PTPRJ: variants seen among roughly 807,000 people sequenced by gnomAD.
PTPRJ encodes the protein protein tyrosine phosphatase receptor type J.
In PTPRJ, 129 loss-of-function variants were observed where a neutral mutation model predicts 141.3. The observed-to-expected ratio is 0.91, with a 90% CI of 0.79 to 1.06. The LOEUF is 1.06. PTPRJ is among the 50% of genes least tolerant of loss of function. The pLI, the probability that PTPRJ is intolerant of heterozygous loss-of-function variation, is 0.00. For missense variants in PTPRJ, 1,601 were observed against 1,679.7 expected (o/e 0.95, Z 0.82); for synonymous variants, 610 against 640.5 (o/e 0.95, Z 0.72).
chr11:48,038,375 T>G (rs1361883712), intron 1 of PTPRJ, among the ~76,000 whole-genome samples: 1 of 152,176 alleles, frequency 6.6e-6, no homozygotes, highest in Non-Finnish European at 1.5e-5. Flanking sequence ...AATCTGCGTT[T>G]CCCTCCCTTC....
chr11:48,071,953 TG>T (rs1855270472), intron 1 of PTPRJ, among the ~76,000 whole-genome samples: 1 of 139,210 alleles, frequency 7.2e-6, no homozygotes, highest in African/African-American at 2.7e-5. Context: ...TCACCCAGGC[TG>T]GAGTGCAGTG....
At chr11:48,061,886 G>A (rs1313269337) in intron 1 of PTPRJ, among the ~76,000 whole-genome samples, 5 of 150,462 alleles carry the variant, frequency 3.3e-5, no homozygotes, top group Non-Finnish European at 7.4e-5. Flanking sequence ...GTAAAATTGG[G>A]ATCATAATGG....
chr11:48,008,291 C>T (rs1402672070), intron 1 of PTPRJ, among the ~76,000 whole-genome samples: 3 of 152,180 alleles, frequency 2.0e-5, no homozygotes, highest in South Asian at 2.1e-4. Context: ...GACGGAGTCT[C>T]GCTCTGTGGC....
intron 1 of PTPRJ, among the ~76,000 whole-genome samples, chr11:48,086,160 A>G (rs1855701725): frequency 6.6e-6 from 1 of 152,318 alleles, no homozygotes; most frequent in South Asian, 2.1e-4. Flanking sequence ...GCAGGCAAAA[A>G]GGACATTTAT....
chr11:48,119,954 G>A (rs1422295748), intron 3 of PTPRJ, among the ~76,000 whole-genome samples: 1 of 152,134 alleles, frequency 6.6e-6, no homozygotes, highest in Non-Finnish European at 1.5e-5. Flanking sequence ...AACCCTGATG[G>A]CTTCCACTGG....
At chr11:48,065,399 A>T (rs528849872) in intron 1 of PTPRJ, among the ~76,000 whole-genome samples, 1 of 152,090 alleles carries the variant, frequency 6.6e-6, no homozygotes, top group Admixed American at 6.5e-5. Flanking sequence ...CCAGGACCCC[A>T]TGCCGAAATC....
At chr11:47,996,402 G>A (rs1854338667) in intron 1 of PTPRJ, among the ~76,000 whole-genome samples, 1 of 151,198 alleles carries the variant, frequency 6.6e-6, no homozygotes, top group Non-Finnish European at 1.5e-5. Flanking sequence ...GCAGAAGCAT[G>A]TGTCCAGTTC....
intron 22 of PTPRJ, among the ~76,000 whole-genome samples, chr11:48,163,138 G>C (rs146676394): frequency 1.5e-4 from 23 of 152,246 alleles, no homozygotes; most frequent in Admixed American, 1.5e-3. Flanking sequence ...AGGCAGCTGT[G>C]GCAGGAAGGG....
intron 1 of PTPRJ, among the ~76,000 whole-genome samples, chr11:48,098,129 T>A (rs943482051): frequency 3.3e-5 from 5 of 152,180 alleles, no homozygotes; most frequent in Non-Finnish European, 5.9e-5. Flanking sequence ...CCCTTGAGGC[T>A]TTGGTGTCCG....
At chr11:48,146,752 T>C in intron 14 of PTPRJ, 124 bp from the exon 15 acceptor site, 1 of 739,422 alleles carries the variant, frequency 1.4e-6, no homozygotes, top group Non-Finnish European at 2.5e-6. Flanking sequence ...TGTGTGTGCA[T>C]GCATGTGTGT....
chr11:48,136,159 A>G lies in PTPRJ; in HGVS notation c.1736A>G (p.His579Arg), dbSNP rs1394213464. The change falls in exon 9 of 25, where the codon CAT (histidine) becomes CGT (arginine). Residue 579 changes from histidine (H) to arginine (R), a missense_variant. Physicochemically the swap from His to Arg is conservative, Grantham distance 29 (BLOSUM62 0). Coordinates refer to ENST00000418331, the MANE Select transcript of PTPRJ (RefSeq NM_002843.4). ...TACCATTTAGTCATAGAGTCCAAGC[A>G]TGGCTCTAACCACACAAGCACGTAT... Reference protein sequence around the residue: ...YVYHLVIESKHGSNHTSTYDK... With the variant: ...YVYHLVIESKRGSNHTSTYDK... 3.7e-6 allele frequency: 6 copies of G among 1,614,082 alleles called. No homozygotes were observed. The highest frequency in any genetic ancestry group is 1.7e-5 in the Admixed American group (1 of 60,008).
chr11:48,002,263 G>A (rs932414490), intron 1 of PTPRJ, among the ~76,000 whole-genome samples: 1 of 151,038 alleles, frequency 6.6e-6, no homozygotes, highest in Admixed American at 6.6e-5. Flanking sequence ...TCAGCCTCCC[G>A]AGTAGCTGGG....
intron 1 of PTPRJ, among the ~76,000 whole-genome samples, chr11:48,000,699 A>G (rs1854473445): frequency 6.6e-6 from 1 of 151,852 alleles, no homozygotes; most frequent in Non-Finnish European, 1.5e-5. Flanking sequence ...AGGGCCTGGT[A>G]CTATCCTCCT....
chr11:48,094,752 G>A (rs1002652820), intron 1 of PTPRJ, among the ~76,000 whole-genome samples: 1 of 152,198 alleles, frequency 6.6e-6, no homozygotes, highest in Non-Finnish European at 1.5e-5. Context: ...GGGCGCAGAA[G>A]TTCTGGGTAA....
intron 1 of PTPRJ, among the ~76,000 whole-genome samples, chr11:48,027,869 G>A (rs576693678): frequency 6.9e-6 from 1 of 145,812 alleles, no homozygotes; most frequent in South Asian, 2.2e-4. Context: ...CTGCAGTATT[G>A]TCAGGTTTGT....
intron 18 of PTPRJ, among the ~76,000 whole-genome samples, chr11:48,153,330 C>T (rs567960258): frequency 3.3e-5 from 5 of 151,824 alleles, no homozygotes; most frequent in East Asian, 1.9e-4. Flanking sequence ...GTCAGGAGAT[C>T]GAGACCATCC....
At position 48,144,715 on chromosome 11, in the gene PTPRJ, G is replaced by C. The variant is rs4752904; in HGVS notation, c.2616G>C (p.Glu872Asp). 0.54 allele frequency: 869,637 copies of C among 1,613,142 alleles called. 244,274 individuals are homozygous for C. Among genetic ancestry groups the C allele is most frequent in the Admixed American group, 0.62 (37,150 of 60,004 alleles). ...PSADVLKYTY[E>D]DFKKGASDTY... Reference sequence around the variant, plus strand: ...CAGATGTCCTGAAATACACGTATGAGGATTTCAAAAAGGGAGCCTCAGATA... The same window carrying C: ...CAGATGTCCTGAAATACACGTATGACGATTTCAAAAAGGGAGCCTCAGATA... Residue 872 changes from glutamate to aspartate, a missense_variant, in exon 13 of 25, where the codon GAG becomes GAC. By Grantham distance (45) the Glu-to-Asp change is conservative (BLOSUM62 2). Coordinates refer to ENST00000418331, the MANE Select transcript of PTPRJ (RefSeq NM_002843.4).
At chr11:48,057,796 A>G (rs940455963) in intron 1 of PTPRJ, among the ~76,000 whole-genome samples, 1 of 152,108 alleles carries the variant, frequency 6.6e-6, no homozygotes, top group African/African-American at 2.4e-5. Flanking sequence ...CCAGCAAAAC[A>G]CCCACAAAAC....
chr11:48,087,982 C>T (rs1193700269), intron 1 of PTPRJ, among the ~76,000 whole-genome samples: 3 of 152,190 alleles, frequency 2.0e-5, no homozygotes, highest in Non-Finnish European at 4.4e-5. Flanking sequence ...CTGTTGCTTG[C>T]GTTGGTTTCT....
Sources: allele counts gnomAD v4.1 joint callset (sites outside exome capture counted in the v4.1 genomes callset), GRCh38; gene constraint gnomAD v4.1.1; transcripts MANE v1.5; gene names NCBI Gene and HGNC (gene_info 2026-07-23, HGNC 2026-07-21).